KDM4B: variants seen among roughly 807,000 people sequenced by gnomAD.
KDM4B encodes the protein lysine-specific demethylase 4B.
A neutral mutation model predicts 125.2 loss-of-function variants in KDM4B; 32 were observed. The observed-to-expected ratio is 0.26, with a 90% CI of 0.19 to 0.34. KDM4B has a LOEUF of 0.34. Ranked by LOEUF, KDM4B falls within the 10% of genes least tolerant of loss-of-function variation. KDM4B has a pLI of 1.00. For missense variants in KDM4B, 1,190 were observed against 1,577.7 expected (o/e 0.75, Z 4.16); for synonymous variants, 721 against 677.9 (o/e 1.06, Z -0.99).
At chr19:4,983,399 G>A (rs1011452392) in intron 1 of KDM4B, among the ~76,000 whole-genome samples, 15 of 152,176 alleles carry the variant, frequency 9.9e-5, no homozygotes, top group Non-Finnish European at 1.6e-4. Context: ...AGACACACCT[G>A]ACATTCACCA....
chr19:4,999,837 C>T (rs369382872), intron 1 of KDM4B, among the ~76,000 whole-genome samples: 16 of 145,096 alleles, frequency 1.1e-4, no homozygotes, highest in African/African-American at 3.9e-4. Flanking sequence ...ACCCACCGAC[C>T]CACCCACCTA....
intron 1 of KDM4B, among the ~76,000 whole-genome samples, chr19:4,990,875 C>T (rs190051753): frequency 6.6e-6 from 1 of 152,210 alleles, no homozygotes; most frequent in African/African-American, 2.4e-5. Context: ...AATCCCAGCA[C>T]TTTGGGAGTC....
At chr19:5,069,562 C>T (rs1249589737) in intron 6 of KDM4B, among the ~76,000 whole-genome samples, 1 of 151,758 alleles carries the variant, frequency 6.6e-6, no homozygotes, top group Non-Finnish European at 1.5e-5. Flanking sequence ...CCCGCCTCGG[C>T]CTCCCAAAGT....
chr19:4,989,466 G>A (rs551953950), intron 1 of KDM4B, among the ~76,000 whole-genome samples: 1 of 150,054 alleles, frequency 6.7e-6, no homozygotes, highest in Non-Finnish European at 1.5e-5. Flanking sequence ...GCCTCCCCCA[G>A]TAGCTGGGAT....
intron 10 of KDM4B, chr19:5,111,869 G>C (rs767348549): frequency 2.6e-6 from 2 of 760,606 alleles, no homozygotes; most frequent in Admixed American, 1.7e-5. Flanking sequence ...GGCTGTGTCC[G>C]TGAAGCTTTG....
At chr19:4,988,191 C>A (rs1419150331) in intron 1 of KDM4B, among the ~76,000 whole-genome samples, 1 of 152,236 alleles carries the variant, frequency 6.6e-6, no homozygotes, top group African/African-American at 2.4e-5. Flanking sequence ...CGTACCTAAC[C>A]CCACGGCCCA....
intron 1 of KDM4B, among the ~76,000 whole-genome samples, chr19:4,999,272 G>A (rs1469877743): frequency 6.6e-6 from 1 of 152,118 alleles, no homozygotes; most frequent in Non-Finnish European, 1.5e-5. Context: ...CGATTGATCT[G>A]GTTGCTCAGA....
chr19:5,034,217 C>T (rs1455181271), intron 3 of KDM4B, among the ~76,000 whole-genome samples: 3 of 152,216 alleles, frequency 2.0e-5, no homozygotes, highest in African/African-American at 4.8e-5. Flanking sequence ...TCTCTGTGTT[C>T]GGGTGTGGGC....
chr19:5,136,495 G>A (rs1257674805), intron 15 of KDM4B, among the ~76,000 whole-genome samples: 1 of 152,172 alleles, frequency 6.6e-6, no homozygotes, highest in African/African-American at 2.4e-5. Context: ...TCTCCTGGCT[G>A]GGAGGCTCTT....
intron 2 of KDM4B, among the ~76,000 whole-genome samples, chr19:5,031,201 G>T (rs1369236054): frequency 6.6e-6 from 1 of 152,228 alleles, no homozygotes; most frequent in Non-Finnish European, 1.5e-5. Flanking sequence ...GGTTGGCGGG[G>T]TCGCAGGTGA....
chr19:4,984,266 C>G (rs1219918661), intron 1 of KDM4B, among the ~76,000 whole-genome samples: 1 of 152,194 alleles, frequency 6.6e-6, no homozygotes, highest in Non-Finnish European at 1.5e-5. Context: ...GGGCTTGTTT[C>G]TGCTCTTGAC....
intron 16 of KDM4B, 56 bp from the exon 17 acceptor site, chr19:5,137,565 G>A: frequency 1.3e-6 from 2 of 1,525,582 alleles, no homozygotes; most frequent in Non-Finnish European, 1.8e-6. Context: ...GCCCCAAGCA[G>A]TGTGTGGGGA....
intron 1 of KDM4B, among the ~76,000 whole-genome samples, chr19:5,015,700 T>A (rs2035871122): frequency 6.6e-6 from 1 of 152,098 alleles, no homozygotes; most frequent in South Asian, 2.1e-4. Flanking sequence ...AAAATAAAAA[T>A]AAAAAAGTCT....
intron 9 of KDM4B, among the ~76,000 whole-genome samples, chr19:5,094,109 CT>C (rs1182299376): frequency 1.3e-5 from 2 of 152,212 alleles, no homozygotes; most frequent in Admixed American, 1.3e-4. Flanking sequence ...GGGTGTCGCC[CT>C]CTCCTCTGCC....
rs997634264 is a variant in KDM4B at position 5,117,907 on chromosome 19, C to T, written c.1116-1746C>T. 1.1e-4 allele frequency among the ~76,000 whole-genome samples: 16 copies of T among 152,238 alleles called. No homozygotes were observed. The East Asian group carries it at 1.4e-3, about 13-fold the overall frequency. ...AGACATCGGGGAGCACTGATTCTAG[C>T]GAGTTAGGCAGCTGAGGAGCAAGGA... On this transcript the variant is annotated intron_variant, in intron 10 of 22. Coordinates refer to ENST00000159111, the MANE Select transcript of KDM4B (RefSeq NM_015015.3).
chr19:5,140,623 T>C (rs1457924233), intron 18 of KDM4B: 2 of 152,156 alleles, frequency 1.3e-5, no homozygotes, highest in African/African-American at 4.8e-5. Flanking sequence ...TGATCCCAGC[T>C]ACTCGGGAGA....
chr19:5,048,604 G>C (rs550368190), intron 6 of KDM4B, among the ~76,000 whole-genome samples: 87 of 152,182 alleles, frequency 5.7e-4, no homozygotes, highest in Middle Eastern at 3.4e-3. Context: ...GCGGGGAGAG[G>C]GGGGGGCGGG....
chr19:5,086,683 G>A (rs1230042143), intron 9 of KDM4B, among the ~76,000 whole-genome samples: 1 of 152,192 alleles, frequency 6.6e-6, no homozygotes, highest in Non-Finnish European at 1.5e-5. Flanking sequence ...GGGCAGAGGG[G>A]CTGCTCCGAA....
intron 1 of KDM4B, among the ~76,000 whole-genome samples, chr19:5,003,234 G>A (rs2035448438): frequency 6.6e-6 from 1 of 152,148 alleles, no homozygotes; most frequent in South Asian, 2.1e-4. Flanking sequence ...GCTCACGCCT[G>A]TGATCATAGC....
Sources: allele counts gnomAD v4.1 joint callset (sites outside exome capture counted in the v4.1 genomes callset), GRCh38; gene constraint gnomAD v4.1.1; transcripts MANE v1.5; gene names NCBI Gene and HGNC (gene_info 2026-07-23, HGNC 2026-07-21).